The following BMAL1 variants were observed in gnomAD, a reference collection of about 807,000 sequenced individuals.
BMAL1 encodes basic helix-loop-helix ARNT-like protein 1.
chr11:13,374,652 A>G, the BMAL1 span, among the ~76,000 whole-genome samples: 1 of 152,114 alleles, frequency 6.6e-6, no homozygotes. Context: ...CCAAAAGTCT[A>G]CTTTTTACCA....
At chr11:13,299,109 G>A in the BMAL1 span, among the ~76,000 whole-genome samples, 1 of 152,156 alleles carries the variant, frequency 6.6e-6, no homozygotes, top group East Asian at 1.9e-4. Flanking sequence ...CATCACTGCC[G>A]TCTGATGTTT....
chr11:13,307,799 G>A, the BMAL1 span, among the ~76,000 whole-genome samples: 11 of 152,224 alleles, frequency 7.2e-5, no homozygotes, highest in African/African-American at 2.7e-4. Flanking sequence ...AGGTTGGGGA[G>A]AGGGAGACAC....
chr11:13,374,042 T>C, the BMAL1 span: 7 of 1,542,072 alleles, frequency 4.5e-6, no homozygotes, highest in Non-Finnish European at 5.3e-6. Context: ...AAAGTTGCAA[T>C]TAATCATCTG....
the BMAL1 span, among the ~76,000 whole-genome samples, chr11:13,311,940 A>G: frequency 6.6e-6 from 1 of 152,212 alleles, no homozygotes; most frequent in Non-Finnish European, 1.5e-5. Flanking sequence ...TACAGAGTCT[A>G]TCCAAGTATG....
At chr11:13,367,382 A>G in the BMAL1 span, among the ~76,000 whole-genome samples, 1,895 of 152,226 alleles carry the variant, frequency 0.012, 56 homozygotes, top group African/African-American at 0.044. Context: ...GGGAGGCTGT[A>G]CACTCCTACA....
the BMAL1 span, among the ~76,000 whole-genome samples, chr11:13,315,223 T>C: frequency 6.6e-6 from 1 of 152,204 alleles, no homozygotes; most frequent in Non-Finnish European, 1.5e-5. Flanking sequence ...GTAGGGACTT[T>C]CCATATGCTG....
the BMAL1 span, among the ~76,000 whole-genome samples, chr11:13,385,514 G>A: frequency 6.6e-6 from 1 of 152,170 alleles, no homozygotes; most frequent in Non-Finnish European, 1.5e-5. Context: ...TAGTTCGGGG[G>A]AGAGGTTTTT....
chr11:13,317,246 T>C, the BMAL1 span, among the ~76,000 whole-genome samples: 1 of 152,230 alleles, frequency 6.6e-6, no homozygotes, highest in Admixed American at 6.5e-5. Flanking sequence ...AAAGTGCTTT[T>C]TGAATTGCAC....
chr11:13,376,611 AC>A, the BMAL1 span: 2 of 1,611,246 alleles, frequency 1.2e-6, no homozygotes, highest in Non-Finnish European at 1.7e-6. Context: ...GGCCTGACTC[AC>A]GTTTCCTTAT....
the BMAL1 span, among the ~76,000 whole-genome samples, chr11:13,311,004 A>G: frequency 1.3e-5 from 2 of 152,374 alleles, no homozygotes; most frequent in Admixed American, 6.5e-5. Context: ...GGGAGAACCA[A>G]TAGCGTTTTC....
At chr11:13,328,171 A>G in the BMAL1 span, among the ~76,000 whole-genome samples, 3 of 152,124 alleles carry the variant, frequency 2.0e-5, no homozygotes, top group African/African-American at 7.2e-5. Flanking sequence ...TCGACTGGAG[A>G]GGCTTTTTTT....
chr11:13,348,607 A>C, the BMAL1 span, among the ~76,000 whole-genome samples: 1 of 152,170 alleles, frequency 6.6e-6, no homozygotes, highest in Non-Finnish European at 1.5e-5. Flanking sequence ...CGTGTGACCT[A>C]AACAGAGAAT....
the BMAL1 span, among the ~76,000 whole-genome samples, chr11:13,328,935 C>T: frequency 2.0e-5 from 3 of 152,104 alleles, no homozygotes; most frequent in Non-Finnish European, 4.4e-5. Context: ...CCTCATAATA[C>T]TGCTGTAGGG....
the BMAL1 span, chr11:13,386,968 A>C: frequency 2.2e-6 from 1 of 463,420 alleles, no homozygotes; most frequent in Non-Finnish European, 3.7e-6. Context: ...CTCATCATTG[A>C]TTATTGGGCT....
the BMAL1 span, among the ~76,000 whole-genome samples, chr11:13,364,767 G>C: frequency 1.3e-5 from 2 of 152,186 alleles, no homozygotes; most frequent in Non-Finnish European, 2.9e-5. Flanking sequence ...GGAACATTTA[G>C]ATTTTTTCCT....
At chr11:13,325,657 T>TTGTGTGTGTGTGTGTGTGTGTG in the BMAL1 span, among the ~76,000 whole-genome samples, 37 of 134,412 alleles carry the variant, frequency 2.8e-4, 1 homozygote, top group African/African-American at 1.0e-3. Context: ...TTGAGACCTT[T>TTGTGTGTGTGTGTGTGTGTGTG]TGTGTGTGTG....
chr11:13,356,674 T>A, the BMAL1 span: 1 of 1,590,470 alleles, frequency 6.3e-7, no homozygotes, highest in Non-Finnish European at 8.6e-7. Context: ...CCTTCTGTCT[T>A]ATGATAAGAA....
chr11:13,349,717 G>A, the BMAL1 span, among the ~76,000 whole-genome samples: 1 of 152,180 alleles, frequency 6.6e-6, no homozygotes, highest in Non-Finnish European at 1.5e-5. Context: ...TCTCCTGCCA[G>A]ATTTTTTCAT....
chr11:13,278,688 G>A, the BMAL1 span, among the ~76,000 whole-genome samples: 1 of 152,232 alleles, frequency 6.6e-6, no homozygotes, highest in Non-Finnish European at 1.5e-5. Context: ...TGGGTCTGCG[G>A]GCAGGTGCGC....
Sources: allele counts gnomAD v4.1 joint callset (sites outside exome capture counted in the v4.1 genomes callset), GRCh38; gene constraint gnomAD v4.1.1; transcripts MANE v1.5; gene names NCBI Gene and HGNC (gene_info 2026-07-23, HGNC 2026-07-21).